Variants in GRIN3A observed in about 807,000 individuals in gnomAD.
The protein encoded by GRIN3A is glutamate receptor ionotropic, NMDA 3A.
A neutral mutation model predicts 92.4 loss-of-function variants in GRIN3A; 47 were observed. That is an observed-to-expected ratio of 0.51 (90% CI 0.40 to 0.65). The LOEUF is 0.65. Ranked by LOEUF, GRIN3A falls within the 30% of genes least tolerant of loss-of-function variation. The pLI is 0.00. For missense variants in GRIN3A, 1,324 were observed against 1,393.1 expected, an observed-to-expected ratio of 0.95 and a Z score of 0.79; for synonymous variants, 527 against 540.6, an observed-to-expected ratio of 0.97 and a Z score of 0.35.
intron 1 of GRIN3A, among the ~76,000 whole-genome samples, chr9:101,729,353 A>C (rs1208166449): frequency 6.6e-6 from 1 of 152,160 alleles, no homozygotes; most frequent in East Asian, 1.9e-4. Context: ...GCTGGGCTAA[A>C]GTCAAGGGTG....
intron 6 of GRIN3A, chr9:101,594,826 C>G (rs765721292): frequency 1.2e-6 from 2 of 1,610,864 alleles, no homozygotes; most frequent in Non-Finnish European, 1.7e-6. Context: ...CTGATTTGTC[C>G]AAGTCCAACT....
chr9:101,625,208 G>GA (rs113817144), intron 4 of GRIN3A, among the ~76,000 whole-genome samples: 6 of 151,212 alleles, frequency 4.0e-5, no homozygotes, highest in South Asian at 2.1e-4. Flanking sequence ...TTATTAATTT[G>GA]AAAAAAAAGA....
intron 1 of GRIN3A, among the ~76,000 whole-genome samples, chr9:101,721,425 A>G (rs1416141983): frequency 6.6e-6 from 1 of 152,150 alleles, no homozygotes; most frequent in Non-Finnish European, 1.5e-5. Context: ...ACTAACTAAT[A>G]TAGTAAATTG....
chr9:101,597,108 C>T (rs1301275280), intron 6 of GRIN3A, among the ~76,000 whole-genome samples: 3 of 152,202 alleles, frequency 2.0e-5, no homozygotes, highest in Non-Finnish European at 2.9e-5. Flanking sequence ...TTGCAGAGGA[C>T]ACAACCACTG....
intron 6 of GRIN3A, among the ~76,000 whole-genome samples, chr9:101,586,585 G>C (rs2118799197): frequency 6.6e-6 from 1 of 152,210 alleles, no homozygotes; most frequent in South Asian, 2.1e-4. Context: ...CACCAATCTA[G>C]GGATCTACTG....
chr9:101,573,773 A>ATTTTT (rs5899448), intron 8 of GRIN3A, among the ~76,000 whole-genome samples: 2 of 92,616 alleles, frequency 2.2e-5, no homozygotes, highest in Admixed American at 1.2e-4. Context: ...GGTATGGTGC[A>ATTTTT]TTTTTTTTTT....
At chr9:101,624,853 A>C (rs1013870002) in intron 4 of GRIN3A, among the ~76,000 whole-genome samples, 3 of 152,304 alleles carry the variant, frequency 2.0e-5, no homozygotes, top group African/African-American at 7.2e-5. Context: ...ACAATGAGAT[A>C]CCATCTCACA....
In GRIN3A at chr9:101,577,820, A is replaced by G. The variant is rs779656282; in HGVS notation, c.2956T>C (p.Ser986Pro). The G allele has an allele frequency of 8.1e-6, 13 of 1,612,072 alleles. No individual in the cohort carries two copies. In the South Asian group the frequency reaches 1.4e-4, roughly 18 times the overall value. The change falls in exon 8 of 9, where the codon TCA becomes CCA. Residue 986 changes from serine (S) to proline (P), a missense_variant. By Grantham distance (74) the Ser-to-Pro change is moderately conservative. Coordinates refer to ENST00000361820, the MANE Select transcript of GRIN3A (RefSeq NM_133445.3). ...TGCTGCTGCTTTTCCTCTATAAATG[A>G]TGTATTTATTGCTCTGTGTAATCTC... ...SQRLHRAINT[S>P]FIEEKQQHFK... is the part of the protein sequence containing the mutation.
At chr9:101,727,328 A>G (rs1427808659) in intron 1 of GRIN3A, among the ~76,000 whole-genome samples, 1 of 152,242 alleles carries the variant, frequency 6.6e-6, no homozygotes, top group Non-Finnish European at 1.5e-5. Flanking sequence ...ACACACATAT[A>G]TGAGTAGATC....
At chr9:101,623,174 T>G in intron 5 of GRIN3A, 144 bp downstream of exon 5, 1 of 669,778 alleles carries the variant, frequency 1.5e-6, no homozygotes, top group Non-Finnish European at 2.7e-6. Context: ...TTCAGCAACT[T>G]AATAGCTAAG....
Position 101,670,720 on chromosome 9 carries a change from A to C in GRIN3A, c.1692T>G (p.Ser564Arg), listed in dbSNP as rs1177750536. The C allele has an allele frequency of 6.2e-7, 1 of 1,614,070 alleles. No individual in the cohort carries two copies. Among genetic ancestry groups the C allele is most frequent in the South Asian group, 1.1e-5 (1 of 91,088 alleles). Residue 564 changes from serine to arginine, a missense_variant, in exon 3 of 9, where the codon AGT becomes AGG. Ser to Arg is a moderately radical substitution (Grantham distance 110). Transcript: ENST00000361820. Reference sequence around the variant, plus strand: ...TGAATTTAATGGGCACTGTATCATTACTGCTATGGAGGCTGCTAAAAAGGC... The same window carrying C: ...TGAATTTAATGGGCACTGTATCATTCCTGCTATGGAGGCTGCTAAAAAGGC... ...LDSLFSSLHS[S>R]NDTVPIKFKK... is the part of the protein sequence containing the mutation.
rs1827744278 is a variant in GRIN3A, at chr9:101,570,505, C to G, written c.*2669G>C. ...TAACCATTGCTACTTAACATGAAGA[C>G]TGCTTCGTTTCACCACAAGCAATTA... is the stretch of plus-strand genomic sequence containing the variant. On this transcript the variant is annotated 3_prime_UTR_variant, in exon 9 of 9. Coordinates refer to ENST00000361820, the MANE Select transcript of GRIN3A (RefSeq NM_133445.3). 1 of 152,672 alleles carries G rather than the reference C, an allele frequency of 6.5e-6. No homozygotes were observed. Among genetic ancestry groups the G allele is most frequent in the Non-Finnish European group, 1.5e-5 (1 of 68,058 alleles). 9.5% of individuals were successfully genotyped at this position (152,672 alleles called of 1,614,324 possible).
At chr9:101,615,574 C>T (rs1273892246) in intron 5 of GRIN3A, among the ~76,000 whole-genome samples, 1 of 151,848 alleles carries the variant, frequency 6.6e-6, no homozygotes, top group East Asian at 1.9e-4. Flanking sequence ...GCCAGATGGT[C>T]TCGATTTCCT....
chr9:101,692,281 C>T (rs1252339960), intron 1 of GRIN3A, among the ~76,000 whole-genome samples: 6 of 152,076 alleles, frequency 3.9e-5, no homozygotes, highest in Non-Finnish European at 8.8e-5. Context: ...CCCCACACCC[C>T]CAACTCTTCT....
intron 6 of GRIN3A, among the ~76,000 whole-genome samples, chr9:101,588,420 T>C (rs1457177180): frequency 6.6e-6 from 1 of 152,186 alleles, no homozygotes; most frequent in Non-Finnish European, 1.5e-5. Flanking sequence ...CTCATCAACA[T>C]GGCACTGCCC....
intron 3 of GRIN3A, among the ~76,000 whole-genome samples, chr9:101,660,662 A>G (rs1401013326): frequency 1.3e-5 from 2 of 151,822 alleles, no homozygotes; most frequent in Non-Finnish European, 2.9e-5. Flanking sequence ...TGAGAGGCTA[A>G]GTAACTTGCA....
chr9:101,648,599 T>G (rs2118912306), intron 3 of GRIN3A, among the ~76,000 whole-genome samples: 1 of 152,212 alleles, frequency 6.6e-6, no homozygotes, highest in African/African-American at 2.4e-5. Context: ...AATCTCTCCC[T>G]TTAGTTCTAT....
intron 3 of GRIN3A, among the ~76,000 whole-genome samples, chr9:101,629,801 G>A (rs1828688584): frequency 6.6e-6 from 1 of 152,204 alleles, no homozygotes; most frequent in African/African-American, 2.4e-5. Context: ...TCTTAGGGAT[G>A]AGTAAACTGA....
At chr9:101,643,472 A>G (rs572794702) in intron 3 of GRIN3A, among the ~76,000 whole-genome samples, 1 of 152,244 alleles carries the variant, frequency 6.6e-6, no homozygotes, top group East Asian at 1.9e-4. Context: ...TGATTCAGCC[A>G]TTATGGGAAA....
Sources: allele counts gnomAD v4.1 joint callset (sites outside exome capture counted in the v4.1 genomes callset), GRCh38; gene constraint gnomAD v4.1.1; transcripts MANE v1.5; gene names NCBI Gene and HGNC (gene_info 2026-07-23, HGNC 2026-07-21).